LRRC40: variants seen among roughly 807,000 people sequenced by gnomAD.
LRRC40 encodes the protein leucine rich repeat containing 40, also known as leucine-rich repeat-containing protein 40.
A neutral mutation model predicts 72.8 loss-of-function variants in LRRC40; 76 were observed. The ratio of observed to expected loss-of-function variants is 1.04; its 90% CI spans 0.87 to 1.26. The LOEUF (loss-of-function observed/expected upper bound fraction) is 1.26. LRRC40 is among the 50% of genes most tolerant of loss of function. LRRC40 has a pLI of 0.00. For synonymous variants in LRRC40, 243 were observed against 254.2 expected, an observed-to-expected ratio of 0.96 and a Z score of 0.42; for missense variants, 684 against 698.9, an observed-to-expected ratio of 0.98 and a Z score of 0.24.
intron 6 of LRRC40, among the ~76,000 whole-genome samples, chr1:70,177,071 T>C (rs1668122716): frequency 6.6e-6 from 1 of 151,968 alleles, no homozygotes; most frequent in Admixed American, 6.6e-5. Context: ...AGGTCAGGAG[T>C]TCGAGACCAG....
chr1:70,202,756 A>G (rs1489995619), intron 1 of LRRC40, among the ~76,000 whole-genome samples: 5 of 152,244 alleles, frequency 3.3e-5, no homozygotes, highest in African/African-American at 1.2e-4. Flanking sequence ...CAAGATGTTA[A>G]TAACAGAGGA....
At position 70,200,907 on chromosome 1, in the gene LRRC40, C is replaced by G. The variant is rs183941248; in HGVS notation, c.151+4483G>C. On this transcript the variant is annotated intron_variant, in intron 1 of 14. Coordinates refer to ENST00000370952, the MANE Select transcript of LRRC40 (RefSeq NM_017768.5). ...ATCTTTTGGCCTGGGCATGGTGGCT[C>G]ATGCCTGTAATCCAAGCACTTTGGG... 2.7e-3 allele frequency among the ~76,000 whole-genome samples: 407 copies of G among 152,304 alleles called. 2 individuals carry two copies. The highest frequency in any genetic ancestry group is 0.014 in the Middle Eastern group (4 of 294).
At chr1:70,193,402 A>G (rs1322127094) in intron 1 of LRRC40, among the ~76,000 whole-genome samples, 1 of 151,784 alleles carries the variant, frequency 6.6e-6, no homozygotes, top group Non-Finnish European at 1.5e-5. Flanking sequence ...TCCCTAGAAT[A>G]GAAAAAAAAA....
intron 6 of LRRC40, among the ~76,000 whole-genome samples, chr1:70,177,697 ACAGATGATT>A (rs1308143598): frequency 6.6e-6 from 1 of 152,242 alleles, no homozygotes; most frequent in African/African-American, 2.4e-5. Context: ...ACCATTTCAG[ACAGATGATT>A]CATCCTGTAA....
chr1:70,159,402 G>A lies in LRRC40; in HGVS notation c.1148C>T (p.Thr383Ile). Residue 383 changes from threonine (T) to isoleucine (I), a missense_variant, in exon 10 of 15, where the codon ACT (threonine) becomes ATT (isoleucine). Coordinates refer to ENST00000370952, the MANE Select transcript of LRRC40 (RefSeq NM_017768.5). ...GPSQSESATE[T>I]AMTLPSESRV... The stretch of plus-strand genomic sequence containing the variant: ...GGATTCACTTGGTAGTGTCATGGCA[G>A]TCTCAGTAGCAGACTCACTTTGGCT... The A allele has an allele frequency of 6.3e-7, 1 of 1,598,200 alleles. No homozygotes were observed. Among genetic ancestry groups the A allele is most frequent in the Non-Finnish European group, 8.6e-7 (1 of 1,169,476 alleles).
intron 14 of LRRC40, among the ~76,000 whole-genome samples, chr1:70,146,513 T>A (rs1667299630): frequency 6.6e-6 from 1 of 152,170 alleles, no homozygotes; most frequent in South Asian, 2.1e-4. Flanking sequence ...TCTGTTTTAA[T>A]AGATGAGGAA....
intron 9 of LRRC40, among the ~76,000 whole-genome samples, chr1:70,165,879 T>C (rs1402730998): frequency 6.6e-6 from 1 of 152,186 alleles, no homozygotes; most frequent in Admixed American, 6.5e-5. Flanking sequence ...TATGTGCCTC[T>C]AGATACGTAT....
chr1:70,190,136 C>T (rs561669038), intron 1 of LRRC40, among the ~76,000 whole-genome samples: 103 of 152,242 alleles, frequency 6.8e-4, no homozygotes, highest in Admixed American at 1.8e-3. Context: ...TAGAGTCCTT[C>T]ACTGCTCGGT....
At chr1:70,147,721 A>G (rs1311650681) in intron 14 of LRRC40, among the ~76,000 whole-genome samples, 2 of 152,190 alleles carry the variant, frequency 1.3e-5, no homozygotes, top group Non-Finnish European at 2.9e-5. Context: ...TAGAGCAGAT[A>G]CCAGTGTTGC....
intron 12 of LRRC40, chr1:70,151,843 G>T (rs1407616685): frequency 6.6e-6 from 1 of 151,864 alleles, no homozygotes; most frequent in Non-Finnish European, 1.5e-5. Flanking sequence ...AAGGTAAAAG[G>T]ATTTTAGGAG....
intron 3 of LRRC40, among the ~76,000 whole-genome samples, chr1:70,185,984 T>A (rs1381447525): frequency 6.6e-6 from 1 of 152,182 alleles, no homozygotes; most frequent in Non-Finnish European, 1.5e-5. Flanking sequence ...AAATACAAGG[T>A]GCTTACAATA....
At chr1:70,183,802 C>T (rs1386160785) in intron 4 of LRRC40, among the ~76,000 whole-genome samples, 1 of 152,152 alleles carries the variant, frequency 6.6e-6, no homozygotes, top group African/African-American at 2.4e-5. Context: ...AATCCACCCA[C>T]CTTGGCTTCC....
intron 1 of LRRC40, among the ~76,000 whole-genome samples, chr1:70,203,740 T>C (rs1312393536): frequency 6.6e-6 from 1 of 152,190 alleles, no homozygotes; most frequent in African/African-American, 2.4e-5. Flanking sequence ...CATCTCAATG[T>C]TATGTGAGCA....
chr1:70,184,939 G>T, intron 3 of LRRC40, 25 bp from the exon 4 acceptor site: 2 of 1,542,744 alleles, frequency 1.3e-6, no homozygotes. Context: ...AATAAATGAT[G>T]AATAATTTAG....
intron 9 of LRRC40, among the ~76,000 whole-genome samples, chr1:70,160,935 A>T (rs1172791340): frequency 2.6e-5 from 4 of 152,136 alleles, no homozygotes; most frequent in African/African-American, 9.7e-5. Context: ...CACCAAAGTT[A>T]ATTACCATAA....
At chr1:70,173,331 A>G in intron 9 of LRRC40, 134 bp downstream of exon 9, 1 of 637,592 alleles carries the variant, frequency 1.6e-6, no homozygotes. Context: ...ATATGGATTT[A>G]GAATTAGAGC....
intron 9 of LRRC40, among the ~76,000 whole-genome samples, chr1:70,161,075 G>A (rs533617896): frequency 1.7e-4 from 25 of 151,502 alleles, no homozygotes; most frequent in African/African-American, 6.0e-4. Context: ...AAGCAAGAAC[G>A]CAGATATCTC....
rs1438248000 is a variant in LRRC40, at chr1:70,197,548, G to T, written c.151+7842C>A. On this transcript the variant is annotated intron_variant, in intron 1 of 14. Transcript: ENST00000370952. ...CCCACCTTGGCCTCCCAAAGTGCTG[G>T]GATTATAATCATGGGCAATCACACC... Among the ~76,000 whole-genome samples, 4 of 150,848 alleles carry T rather than the reference G, an allele frequency of 2.7e-5. No individual in the cohort carries two copies. In the East Asian group the frequency reaches 7.8e-4, roughly 29 times the overall value.
chr1:70,202,562 A>C (rs572774500), intron 1 of LRRC40, among the ~76,000 whole-genome samples: 1 of 152,310 alleles, frequency 6.6e-6, no homozygotes, highest in African/African-American at 2.4e-5. Context: ...GGTAGAGCAC[A>C]CAGGATTTTT....
Sources: gnomAD v4.1 joint callset for allele counts (sites outside exome capture counted in the v4.1 genomes callset) on GRCh38, gnomAD v4.1.1 for gene constraint, MANE v1.5 for transcripts, NCBI Gene and HGNC (gene_info 2026-07-23, HGNC 2026-07-21) for gene names.